The following N4BP2 variants were observed in gnomAD, a reference collection of about 807,000 sequenced individuals.
N4BP2 encodes NEDD4-binding protein 2.
A neutral mutation model predicts 152.8 loss-of-function variants in N4BP2; 91 were observed. The ratio of observed to expected loss-of-function variants is 0.60; its 90% CI spans 0.50 to 0.71. The LOEUF (loss-of-function observed/expected upper bound fraction) is 0.71. Ranked by LOEUF, N4BP2 falls within the 30% of genes least tolerant of loss-of-function variation. The pLI, the probability that N4BP2 is intolerant of heterozygous loss-of-function variation, is 0.00. For missense variants in N4BP2, 1,923 were observed against 2,059.1 expected, an observed-to-expected ratio of 0.93 and a Z score of 1.28; for synonymous variants, 646 against 705.3, an observed-to-expected ratio of 0.92 and a Z score of 1.33.
chr4:40,113,393 A>C, intron 6 of N4BP2, 39 bp from the exon 7 acceptor site: 3 of 1,341,566 alleles, frequency 2.2e-6, no homozygotes, highest in South Asian at 1.2e-5. Context: ...TTTCTTGGAA[A>C]TACCTATTTT....
intron 16 of N4BP2, among the ~76,000 whole-genome samples, chr4:40,147,111 CTCTTAACGAGCATGCTGCCT>C (rs1227269426): frequency 6.7e-6 from 1 of 150,004 alleles, no homozygotes; most frequent in Non-Finnish European, 1.5e-5. Context: ...TTGGTGATGA[CTCTTAACGAGCATGCTGCCT>C]TCAAGCATCT....
At chr4:40,175,591 T>C in the N4BP2 span, among the ~76,000 whole-genome samples, 1 of 151,892 alleles carries the variant, frequency 6.6e-6, no homozygotes, top group Non-Finnish European at 1.5e-5. Context: ...GAGGCCGAGG[T>C]GGGCGGCTCT....
intron 2 of N4BP2, among the ~76,000 whole-genome samples, chr4:40,094,855 C>T (rs1427611223): frequency 6.6e-6 from 1 of 151,090 alleles, no homozygotes; most frequent in African/African-American, 2.4e-5. Context: ...AGTGCAGTGG[C>T]GTGATCTTGG....
intron 2 of N4BP2, among the ~76,000 whole-genome samples, chr4:40,080,701 C>T (rs959935694): frequency 5.3e-5 from 8 of 150,276 alleles, no homozygotes; most frequent in South Asian, 2.1e-4. Context: ...GAATCTCGCC[C>T]GGCTGGAGTG....
the N4BP2 span, among the ~76,000 whole-genome samples, chr4:40,168,427 A>G: frequency 2.0e-5 from 3 of 152,192 alleles, no homozygotes; most frequent in Non-Finnish European, 2.9e-5. Context: ...GGCAATATTA[A>G]TATCAGAAAA....
At chr4:40,148,122 C>T (rs1446509755) in intron 16 of N4BP2, among the ~76,000 whole-genome samples, 4 of 152,164 alleles carry the variant, frequency 2.6e-5, no homozygotes, top group African/African-American at 9.7e-5. Flanking sequence ...GAGGTTGTAG[C>T]GAGCCGAGAT....
Position 40,108,820 on chromosome 4 carries a change from G to GA in N4BP2, c.1498+1796_1498+1797insA, listed in dbSNP as rs1553922519. Among the ~76,000 whole-genome samples the GA allele has an allele frequency of 6.3e-5, 9 of 141,860 alleles. No individual in the cohort carries two copies. In the East Asian group the frequency reaches 1.7e-3, roughly 26 times the overall value. 93.1% of individuals were successfully genotyped at this position (141,860 alleles called of 152,430 possible). A position where few individuals can be genotyped will look rare whatever the true frequency, so the allele number is the denominator to read the frequency against. On this transcript the variant is annotated intron_variant, in intron 5 of 17. Coordinates refer to ENST00000261435, the MANE Select transcript of N4BP2 (RefSeq NM_018177.6). ...AGATATAGGGACTGTATTTTCCTCA[G>GA]TTTTTTTTTTTTTTGGAGACAGAGT...
intron 13 of N4BP2, among the ~76,000 whole-genome samples, chr4:40,136,366 CTATCTATCTATCT>C (rs1719383225): frequency 7.3e-6 from 1 of 136,842 alleles, no homozygotes; most frequent in Non-Finnish European, 1.6e-5. Context: ...ATCTATCTAT[CTATCTATCTATCT>C]ATCTATCTAT....
chr4:40,086,969 G>C (rs1714031954), intron 2 of N4BP2, among the ~76,000 whole-genome samples: 1 of 151,874 alleles, frequency 6.6e-6, no homozygotes, highest in Non-Finnish European at 1.5e-5. Context: ...GGCTGGTTTC[G>C]AACTCCTGGA....
chr4:40,094,448 C>T (rs1714918919), intron 2 of N4BP2, among the ~76,000 whole-genome samples: 1 of 152,102 alleles, frequency 6.6e-6, no homozygotes, highest in Non-Finnish European at 1.5e-5. Context: ...GAAGTCTCCA[C>T]CTATAATTGT....
chr4:40,176,696 A>G, the N4BP2 span, among the ~76,000 whole-genome samples: 1 of 152,222 alleles, frequency 6.6e-6, no homozygotes, highest in Admixed American at 6.5e-5. Flanking sequence ...TCCCTGTGCT[A>G]GAATTCACAG....
chr4:40,183,396 C>T, the N4BP2 span, among the ~76,000 whole-genome samples: 1 of 148,480 alleles, frequency 6.7e-6, no homozygotes, highest in Non-Finnish European at 1.5e-5. Flanking sequence ...AGTGCAGTGG[C>T]GCGATCTCTG....
intron 4 of N4BP2, 24 bp downstream of exon 4, chr4:40,103,242 A>T (rs756598448): frequency 9.0e-6 from 14 of 1,556,344 alleles, no homozygotes; most frequent in East Asian, 4.5e-5. Context: ...TTGGGTTTTT[A>T]AAAAATAGTA....
At chr4:40,101,947 A>C in intron 3 of N4BP2, 128 bp from the exon 4 acceptor site, 1 of 518,008 alleles carries the variant, frequency 1.9e-6, no homozygotes, top group Non-Finnish European at 3.1e-6. Context: ...AAATAACATG[A>C]ATATTGTACA....
At chr4:40,177,750 G>C in the N4BP2 span, among the ~76,000 whole-genome samples, 1 of 152,218 alleles carries the variant, frequency 6.6e-6, no homozygotes, top group Non-Finnish European at 1.5e-5. Context: ...TTTGTAGAGT[G>C]TAAGGCTTTG....
intron 16 of N4BP2, among the ~76,000 whole-genome samples, chr4:40,147,494 CA>C (rs1720666161): frequency 6.7e-6 from 1 of 149,588 alleles, no homozygotes; most frequent in Non-Finnish European, 1.5e-5. Context: ...GGCGGCCGGG[CA>C]GAGGCGCCCC....
At chr4:40,113,748 T>C (rs1212705773) in intron 7 of N4BP2, among the ~76,000 whole-genome samples, 1 of 152,198 alleles carries the variant, frequency 6.6e-6, no homozygotes, top group Middle Eastern at 3.2e-3. Context: ...TTTTGAGTTT[T>C]ATTTATTCGT....
At chr4:40,062,142 G>C (rs893937120) in intron 1 of N4BP2, among the ~76,000 whole-genome samples, 13 of 145,162 alleles carry the variant, frequency 9.0e-5, no homozygotes, top group African/African-American at 3.3e-4. Context: ...GCAGTGGTGC[G>C]ATCTTGGCTT....
intron 13 of N4BP2, among the ~76,000 whole-genome samples, chr4:40,135,271 C>T (rs1232599605): frequency 6.6e-6 from 1 of 151,714 alleles, no homozygotes. Context: ...CTACAAAGGA[C>T]ATGAACTCAT....
Sources: allele counts gnomAD v4.1 joint callset (sites outside exome capture counted in the v4.1 genomes callset), GRCh38; gene constraint gnomAD v4.1.1; transcripts MANE v1.5; gene names NCBI Gene and HGNC (gene_info 2026-07-23, HGNC 2026-07-21).